Variants in AFDN observed in about 807,000 individuals in gnomAD.
The protein encoded by AFDN is afadin.
Under a neutral mutation model 216.6 loss-of-function variants are expected in AFDN, and 68 were observed. That is an observed-to-expected ratio of 0.31 (90% CI 0.26 to 0.38). AFDN has a LOEUF of 0.38. Among genes scored for constraint, AFDN ranks in the 10% least tolerant of loss-of-function variants. The pLI, the probability that AFDN is intolerant of heterozygous loss-of-function variation, is 1.00. For missense variants in AFDN, 2,136 were observed against 2,342.0 expected (o/e 0.91, Z 1.82); for synonymous variants, 868 against 853.7 (o/e 1.02, Z -0.29).
At chr6:167,845,200 C>T (rs1781524817) in intron 1 of AFDN, among the ~76,000 whole-genome samples, 1 of 152,092 alleles carries the variant, frequency 6.6e-6, no homozygotes, top group Non-Finnish European at 1.5e-5. Context: ...TCTTTATTTT[C>T]TTTCTATGTG....
intron 29 of AFDN, among the ~76,000 whole-genome samples, chr6:167,949,378 G>A (rs1344116108): frequency 6.6e-6 from 1 of 152,158 alleles, no homozygotes; most frequent in East Asian, 1.9e-4. Context: ...AATGAGAACA[G>A]TAGGCAGCGG....
chr6:167,952,599 C>A, intron 30 of AFDN: 2 of 653,392 alleles, frequency 3.1e-6, no homozygotes, highest in Non-Finnish European at 3.8e-6. Context: ...TGGCAACCCC[C>A]AGCTCTGCTG....
chr6:167,888,742 G>A (rs1195831501), intron 6 of AFDN, among the ~76,000 whole-genome samples: 2 of 152,090 alleles, frequency 1.3e-5, no homozygotes, highest in African/African-American at 2.4e-5. Context: ...ATCATAAAGA[G>A]ATTATTTCAA....
chr6:167,911,127 T>A lies in AFDN; in HGVS notation c.1796T>A (p.Leu599Gln). The A allele has an allele frequency of 6.2e-7, 1 of 1,613,976 alleles. No homozygotes were observed. The highest frequency in any genetic ancestry group is 8.5e-7 in the Non-Finnish European group (1 of 1,179,958). ...ACACAGGATGCTTCTGGGCCTGAGC[T>A]GATACTACCTGCAAGCATTGAATTC... ...SRTQDASGPELILPASIEFRE... is the reference protein window; with the variant it reads ...SRTQDASGPEQILPASIEFRE... The change falls in exon 14 of 34, where the codon CTG becomes CAG. Residue 599 changes from leucine to glutamine, a missense_variant. By Grantham distance (113) the Leu-to-Gln change is moderately radical. This residue lies in a region of AFDN where 817 missense variants were observed against 965.7 expected (regional missense o/e 0.85). Coordinates refer to ENST00000683244, the MANE Select transcript of AFDN (RefSeq NM_001386888.1).
intron 6 of AFDN, among the ~76,000 whole-genome samples, chr6:167,882,192 GAGAA>G (rs771305554): frequency 2.0e-5 from 3 of 151,960 alleles, no homozygotes; most frequent in Non-Finnish European, 4.4e-5. Flanking sequence ...GAAACAGACG[GAGAA>G]AGAACTCTTA....
chr6:167,832,424 A>G (rs1254346811), intron 1 of AFDN, among the ~76,000 whole-genome samples: 1 of 152,210 alleles, frequency 6.6e-6, no homozygotes. Flanking sequence ...GCAGGCTGAG[A>G]GGTGGCAAGG....
chr6:167,862,409 T>C (rs890301012), intron 1 of AFDN, among the ~76,000 whole-genome samples: 2 of 151,982 alleles, frequency 1.3e-5, no homozygotes, highest in Admixed American at 6.6e-5. Flanking sequence ...GAAGTCTTGC[T>C]CTGTCGCCCA....
At position 167,951,652 on chromosome 6, in the gene AFDN, T is replaced by C; in HGVS notation, c.4298T>C (p.Leu1433Pro). The C allele has an allele frequency of 1.2e-6, 2 of 1,614,002 alleles. No individual in the cohort carries two copies. Among genetic ancestry groups the C allele is most frequent in the Non-Finnish European group, 1.7e-6 (2 of 1,179,966 alleles). ...TGGTATGAGAAGGAGAAGGCCCGCC[T>C]GGAGGAGGAGCGGGAGAGGAAGCGG... ...QRWYEKEKAR[L>P]EEERERKRRE... The change falls in exon 30 of 34, where the codon CTG becomes CCG. Residue 1433 changes from leucine (L) to proline (P), a missense_variant. Coordinates refer to ENST00000683244, the MANE Select transcript of AFDN (RefSeq NM_001386888.1). This position sits in a 1 kb window ranked among gnomAD's most constrained non-coding sequence, Gnocchi z 7.1.
rs148234858 is a variant in AFDN, at chr6:167,885,365, C to T, written c.898-3850C>T. 3.1e-3 allele frequency among the ~76,000 whole-genome samples: 467 copies of T among 152,328 alleles called. 7 individuals carry two copies. The highest frequency in any genetic ancestry group is 0.011 in the African/African-American group (447 of 41,568). ...GTCTGGGCTTTCGACATGCCTTTCT[C>T]ACTATGTTTAATCAATTTTTAGCTT... On this transcript the variant is annotated intron_variant, in intron 6 of 33. Transcript: ENST00000683244.
At chr6:167,829,771 A>T (rs1017939986) in intron 1 of AFDN, among the ~76,000 whole-genome samples, 6 of 152,072 alleles carry the variant, frequency 3.9e-5, no homozygotes, top group Non-Finnish European at 7.4e-5. Flanking sequence ...AGCTTTGATA[A>T]CCACTGATAA....
At chr6:167,899,401 TC>T (rs1322086780) in intron 11 of AFDN, among the ~76,000 whole-genome samples, 6 of 152,124 alleles carry the variant, frequency 3.9e-5, no homozygotes, top group African/African-American at 7.2e-5. Flanking sequence ...CCCAAGAAAA[TC>T]CATTTCTTTC....
At chr6:167,866,415 G>A (rs757683711) in intron 2 of AFDN, among the ~76,000 whole-genome samples, 11 of 152,170 alleles carry the variant, frequency 7.2e-5, no homozygotes, top group East Asian at 5.8e-4. Flanking sequence ...AAACCTTAGC[G>A]TCTCAGTCAT....
intron 30 of AFDN, among the ~76,000 whole-genome samples, chr6:167,959,685 A>C (rs534555137): frequency 6.6e-6 from 1 of 152,358 alleles, no homozygotes; most frequent in East Asian, 1.9e-4. Context: ...AATTATAAAC[A>C]CACAGATCTC....
chr6:167,910,151 T>G (rs1461214349), intron 13 of AFDN, among the ~76,000 whole-genome samples: 4 of 152,224 alleles, frequency 2.6e-5, no homozygotes, highest in Non-Finnish European at 5.9e-5. Flanking sequence ...TCTTACACAT[T>G]TAAAGAGTCT....
chr6:167,841,547 G>A (rs1781076337), intron 1 of AFDN, among the ~76,000 whole-genome samples: 1 of 152,118 alleles, frequency 6.6e-6, no homozygotes, highest in African/African-American at 2.4e-5. Flanking sequence ...TTTAGAAAGT[G>A]TCACCTACTA....
intron 19 of AFDN, among the ~76,000 whole-genome samples, chr6:167,916,736 A>T (rs748770714): frequency 2.0e-5 from 3 of 152,112 alleles, no homozygotes; most frequent in African/African-American, 7.2e-5. Context: ...ACAGCTGGTT[A>T]TGAAAAGTCA....
chr6:167,916,692 C>G (rs1246568637), intron 19 of AFDN, among the ~76,000 whole-genome samples: 1 of 151,626 alleles, frequency 6.6e-6, no homozygotes, highest in Non-Finnish European at 1.5e-5. Flanking sequence ...CATTTTTAAA[C>G]CTTTTTTTAA....
intron 12 of AFDN, 37 bp downstream of exon 12, chr6:167,902,423 G>A (rs1353471563): frequency 6.9e-7 from 1 of 1,453,416 alleles, no homozygotes; most frequent in Admixed American, 1.7e-5. Context: ...AAGTGTGCTT[G>A]CTATAGGACA....
intron 11 of AFDN, among the ~76,000 whole-genome samples, 163 bp from the exon 12 acceptor site, chr6:167,902,154 T>C (rs1208616086): frequency 6.7e-6 from 1 of 150,024 alleles, no homozygotes; most frequent in Admixed American, 6.6e-5. Flanking sequence ...AGAAAGTTCA[T>C]AAGGTGGTTT....
Sources: allele counts gnomAD v4.1 joint callset (sites outside exome capture counted in the v4.1 genomes callset), GRCh38; gene constraint gnomAD v4.1.1; regional missense constraint gnomAD v4.1.1; non-coding constraint Gnocchi (gnomAD v3.1); transcripts MANE v1.5; gene names NCBI Gene and HGNC (gene_info 2026-07-23, HGNC 2026-07-21).